PREX1: variants seen among roughly 807,000 people sequenced by gnomAD.
PREX1 encodes phosphatidylinositol-3,4,5-trisphosphate dependent Rac exchange factor 1.
A neutral mutation model predicts 198.3 loss-of-function variants in PREX1; 41 were observed. The observed-to-expected ratio is 0.21, with a 90% CI of 0.16 to 0.27. The LOEUF is 0.27. Among genes scored for constraint, PREX1 ranks in the 10% least tolerant of loss-of-function variants. The probability of loss-of-function intolerance (pLI) is 1.00; values close to 1 mark genes in which losing one functional copy is unlikely to be tolerated. For synonymous variants in PREX1, 843 were observed against 887.2 expected, an observed-to-expected ratio of 0.95 and a Z score of 0.89; for missense variants, 1,620 against 2,200.7, an observed-to-expected ratio of 0.74 and a Z score of 5.28.
rs78972731 is a variant in PREX1, at chr20:48,636,270, C to G, written c.4167+193G>C. The stretch of plus-strand genomic sequence containing the variant: ...CACTGGGACAGAAGATCCCTGGGTA[C>G]AGGGACTCTGTTTTGTTCACTGCTG... On this transcript the variant is annotated intron_variant, in intron 32 of 39. Transcript: ENST00000371941. Among the ~76,000 whole-genome samples the G allele has an allele frequency of 3.1e-3, 479 of 152,364 alleles. 11 individuals carry two copies. In the East Asian group the frequency reaches 0.064, roughly 20 times the overall value.
At chr20:48,677,304 T>C (rs573740723) in intron 13 of PREX1, among the ~76,000 whole-genome samples, 82 of 152,160 alleles carry the variant, frequency 5.4e-4, no homozygotes, top group African/African-American at 2.0e-3. Context: ...GGGCCTGACA[T>C]CCCACGGGGC....
chr20:48,626,908 A>C lies in PREX1; in HGVS notation c.4937+640T>G, dbSNP rs144319710. Reference sequence around the variant, plus strand: ...GATGGAGAGAGGATCAGACGGAAACAACGTCATGATCCTAAAGGGCCTACA... The same window carrying C: ...GATGGAGAGAGGATCAGACGGAAACCACGTCATGATCCTAAAGGGCCTACA... On this transcript the variant is annotated intron_variant, in intron 39 of 39. Coordinates refer to ENST00000371941, the MANE Select transcript of PREX1 (RefSeq NM_020820.4). Among the ~76,000 whole-genome samples the C allele has an allele frequency of 2.0e-5, 3 of 152,324 alleles. No individual in the cohort carries two copies. In the East Asian group the frequency reaches 5.8e-4, roughly 29 times the overall value.
At chr20:48,643,524 TTGTCTA>T (rs2089429462) in intron 27 of PREX1, among the ~76,000 whole-genome samples, 1 of 152,022 alleles carries the variant, frequency 6.6e-6, no homozygotes, top group African/African-American at 2.4e-5. Flanking sequence ...TTATAAAATA[TTGTCTA>T]TGTCTGTCTA....
At chr20:48,663,317 G>A (rs1275629131) in intron 15 of PREX1, among the ~76,000 whole-genome samples, 2 of 152,208 alleles carry the variant, frequency 1.3e-5, no homozygotes, top group African/African-American at 4.8e-5. Flanking sequence ...CCAGCACGTG[G>A]CTCACTCTGC....
chr20:48,681,132 T>C, intron 11 of PREX1, 103 bp downstream of exon 11: 1 of 1,000,304 alleles, frequency 1.0e-6, no homozygotes, highest in South Asian at 1.4e-5. Context: ...ACACGGCGGC[T>C]GCACGAAAGG....
At chr20:48,786,793 A>G (rs2090314310) in intron 1 of PREX1, among the ~76,000 whole-genome samples, 1 of 132,060 alleles carries the variant, frequency 7.6e-6, no homozygotes, top group Admixed American at 7.7e-5. Flanking sequence ...AGTAGAAAAG[A>G]AAAGAAAGAG....
chr20:48,643,989 T>C (rs894115742), intron 27 of PREX1, among the ~76,000 whole-genome samples: 2 of 152,342 alleles, frequency 1.3e-5, no homozygotes, highest in South Asian at 4.2e-4. Flanking sequence ...GGGTACTTCT[T>C]TGAACTGCTC....
intron 5 of PREX1, among the ~76,000 whole-genome samples, chr20:48,723,921 A>C (rs2089998437): frequency 6.6e-6 from 1 of 152,218 alleles, no homozygotes. Flanking sequence ...GCTGGAACCC[A>C]GACTTTCGCA....
intron 1 of PREX1, among the ~76,000 whole-genome samples, chr20:48,770,846 C>T (rs1227296692): frequency 6.6e-6 from 1 of 152,178 alleles, no homozygotes; most frequent in Non-Finnish European, 1.5e-5. Context: ...GCGTCTGAAT[C>T]ACCTGGGGCA....
chr20:48,677,564 C>T (rs982389722), intron 13 of PREX1, among the ~76,000 whole-genome samples: 3 of 152,238 alleles, frequency 2.0e-5, no homozygotes, highest in Non-Finnish European at 4.4e-5. Flanking sequence ...GAGAGCTATT[C>T]TTATGTCCAC....
At chr20:48,712,835 C>G (rs1188405271) in intron 5 of PREX1, among the ~76,000 whole-genome samples, 1 of 152,240 alleles carries the variant, frequency 6.6e-6, no homozygotes, top group East Asian at 1.9e-4. Flanking sequence ...TCCTCAAGAT[C>G]TCAAGAAGTA....
rs1328455895 is a variant in PREX1 at position 48,700,841 on chromosome 20, T to G, written c.829A>C (p.Thr277Pro). 2.5e-6 allele frequency: 4 copies of G among 1,614,098 alleles called. No individual in the cohort carries two copies. Among genetic ancestry groups the G allele is most frequent in the Middle Eastern group, 3.3e-4 (2 of 6,050 alleles). Residue 277 changes from threonine (T) to proline (P), a missense_variant, in exon 7 of 40, where the codon ACT (threonine) becomes CCT (proline). By Grantham distance (38) the Thr-to-Pro change is conservative. Coordinates refer to ENST00000371941, the MANE Select transcript of PREX1 (RefSeq NM_020820.4). The part of the protein sequence containing the change: ...DICTQLLLQG[T>P]LLKISAGNIQ... ...TTGCCCGCAGAGATCTTTAACAAAG[T>G]CCCTTGCAGGAGGAGCTGAGTGCAG...
intron 1 of PREX1, among the ~76,000 whole-genome samples, chr20:48,784,904 C>A (rs1337249803): frequency 1.3e-5 from 2 of 151,592 alleles, no homozygotes; most frequent in Non-Finnish European, 2.9e-5. Flanking sequence ...GATATCATTT[C>A]TATTTCTTTC....
the PREX1 span, among the ~76,000 whole-genome samples, chr20:48,861,109 A>G: frequency 6.6e-6 from 1 of 152,256 alleles, no homozygotes; most frequent in Non-Finnish European, 1.5e-5. Flanking sequence ...AGCTCCTTCT[A>G]TAGATGTTAA....
intron 35 of PREX1, among the ~76,000 whole-genome samples, chr20:48,631,172 G>A (rs985556439): frequency 6.6e-6 from 1 of 152,186 alleles, no homozygotes; most frequent in African/African-American, 2.4e-5. Context: ...AGGGGTCAGC[G>A]AACTTCTTCT....
At chr20:48,855,871 G>A in the PREX1 span, among the ~76,000 whole-genome samples, 1,052 of 152,224 alleles carry the variant, frequency 6.9e-3, 13 homozygotes, top group African/African-American at 0.023. Context: ...ACTGTACTCC[G>A]GCCTGGGCGA....
At chr20:48,845,275 T>C in the PREX1 span, among the ~76,000 whole-genome samples, 12 of 152,072 alleles carry the variant, frequency 7.9e-5, no homozygotes, top group Non-Finnish European at 1.0e-4. Flanking sequence ...AGCTAAGAAA[T>C]AAACAGGATG....
chr20:48,801,761 C>A (rs370720963), intron 1 of PREX1, among the ~76,000 whole-genome samples: 1 of 152,288 alleles, frequency 6.6e-6, no homozygotes, highest in African/African-American at 2.4e-5. Context: ...CCCAGTGAGG[C>A]GATGTTGAGA....
rs547346333 is a variant in PREX1, at chr20:48,625,262, A to G, written c.*623T>C. 6.6e-6 allele frequency: 1 copy of G among 152,490 alleles called. No individual in the cohort carries two copies. The highest frequency in any genetic ancestry group is 1.5e-5 in the Non-Finnish European group (1 of 68,036). The allele number at this position is 152,490 out of a possible 1,614,324, so 9.4% of individuals were successfully genotyped here. ...TGCCATATAAATAAAGTCAGAGCAAATCTCGTGCCCAGGGCTGGTGGCCCC... is the reference window on the plus strand; with the variant it reads ...TGCCATATAAATAAAGTCAGAGCAAGTCTCGTGCCCAGGGCTGGTGGCCCC... On this transcript the variant is annotated 3_prime_UTR_variant, in exon 40 of 40. Transcript: ENST00000371941.
Sources: allele counts gnomAD v4.1 joint callset (sites outside exome capture counted in the v4.1 genomes callset), GRCh38; gene constraint gnomAD v4.1.1; transcripts MANE v1.5; gene names NCBI Gene and HGNC (gene_info 2026-07-23, HGNC 2026-07-21).